HERC6: variants seen among roughly 807,000 people sequenced by gnomAD.
HERC6 encodes probable E3 ubiquitin-protein ligase HERC6.
In HERC6, 101 loss-of-function variants were observed where a neutral mutation model predicts 114.5. The observed-to-expected ratio is 0.88, with a 90% CI of 0.75 to 1.04. The LOEUF (loss-of-function observed/expected upper bound fraction) is 1.04. Ranked by LOEUF, HERC6 falls within the 50% of genes least tolerant of loss-of-function variation. HERC6 has a pLI of 0.00. For missense variants in HERC6, 1,133 were observed against 1,230.9 expected (o/e 0.92, Z 1.19); for synonymous variants, 408 against 436.2 (o/e 0.94, Z 0.81).
intron 13 of HERC6, among the ~76,000 whole-genome samples, 196 bp downstream of exon 13, chr4:88,417,775 G>A (rs1736633822): frequency 6.6e-6 from 1 of 152,110 alleles, no homozygotes; most frequent in Non-Finnish European, 1.5e-5. Context: ...GAGGACTTAA[G>A]ATGTTTTGTA....
chr4:88,432,785 T>G (rs1738365487), intron 17 of HERC6, among the ~76,000 whole-genome samples: 1 of 152,080 alleles, frequency 6.6e-6, no homozygotes, highest in East Asian at 1.9e-4. Context: ...GATTCATGTC[T>G]GTAATTATTA....
At chr4:88,408,676 G>C in intron 11 of HERC6, 59 bp downstream of exon 11, 2 of 1,160,148 alleles carry the variant, frequency 1.7e-6, no homozygotes, top group Non-Finnish European at 2.5e-6. Context: ...TATTTTTGTT[G>C]GAAGCTGGGT....
chr4:88,436,425 A>G lies in HERC6; in HGVS notation c.2418-480A>G, dbSNP rs957972299. Among the ~76,000 whole-genome samples the G allele has an allele frequency of 2.0e-5, 3 of 152,162 alleles. No individual in the cohort carries two copies. In the South Asian group the frequency reaches 6.2e-4, roughly 32 times the overall value. On this transcript the variant is annotated intron_variant, in intron 18 of 22. Coordinates refer to ENST00000264346, the MANE Select transcript of HERC6 (RefSeq NM_017912.4). Reference sequence around the variant, plus strand: ...GTTAGTGTGAGAATATATTGGCTAGATGTGTGCTGGAGCAGGGGTTCTCAG... The same window carrying G: ...GTTAGTGTGAGAATATATTGGCTAGGTGTGTGCTGGAGCAGGGGTTCTCAG...
intron 22 of HERC6, 131 bp from the exon 23 acceptor site, chr4:88,442,103 T>C: frequency 2.9e-6 from 2 of 680,806 alleles, no homozygotes; most frequent in East Asian, 2.7e-5. Flanking sequence ...ACATTCAACA[T>C]GGTCTAGGAC....
At chr4:88,435,972 G>A in intron 18 of HERC6, 81 bp downstream of exon 18, 2 of 1,004,570 alleles carry the variant, frequency 2.0e-6, no homozygotes, top group Non-Finnish European at 2.7e-6. Flanking sequence ...CACACAGAGA[G>A]ACAGATATGG....
chr4:88,380,145 T>C (rs1259805521), intron 1 of HERC6, among the ~76,000 whole-genome samples: 2 of 37,574 alleles, frequency 5.3e-5, no homozygotes, highest in Non-Finnish European at 8.9e-5. Context: ...ATATAATATA[T>C]AAATATATAT....
In HERC6 at chr4:88,402,702, C is replaced by A. The variant is rs1735607871; in HGVS notation, c.1093-2174C>A. On this transcript the variant is annotated intron_variant, in intron 8 of 22. Coordinates refer to ENST00000264346, the MANE Select transcript of HERC6 (RefSeq NM_017912.4). ...GCTTTCAATGAATGAAGGGGAGTGA[C>A]CAGGACAGTGGGAGAAGATTACAAA... Among the ~76,000 whole-genome samples, 2 of 152,026 alleles carry A rather than the reference C, an allele frequency of 1.3e-5. 1 individual carries two copies. Among genetic ancestry groups the A allele is most frequent in the South Asian group, 4.2e-4 (2 of 4,816 alleles).
At chr4:88,432,864 G>A (rs922316902) in intron 17 of HERC6, among the ~76,000 whole-genome samples, 36 of 151,814 alleles carry the variant, frequency 2.4e-4, no homozygotes, top group African/African-American at 7.7e-4. Context: ...TGAGGCAGGC[G>A]GATCACCAGG....
chr4:88,438,277 C>A (rs1738973735), intron 20 of HERC6, among the ~76,000 whole-genome samples: 1 of 151,874 alleles, frequency 6.6e-6, no homozygotes, highest in African/African-American at 2.4e-5. Context: ...ACTATTTATT[C>A]ATTTAGCAAA....
Position 88,379,026 on chromosome 4 carries a change from T to C in HERC6, c.105T>C (p.Ser35=), listed in dbSNP as rs375863444. Residue 35 remains serine (S), a synonymous_variant, in exon 1 of 23, where the codon TCT becomes TCC. Transcript: ENST00000264346. ...AGGCGGCCAGCGGGGAGCGCCACTC[T>C]CTGCTGCTGCTGACCAACCACAGGG... The part of the protein sequence containing the change: ...LLQAASGERH[S]LLLLTNHRVL... The C allele has an allele frequency of 1.3e-5, 21 of 1,567,180 alleles. No individual in the cohort carries two copies. The African/African-American group carries it at 2.6e-4, about 19-fold the overall frequency.
chr4:88,405,645 A>G (rs1735783009), intron 10 of HERC6, 32 bp downstream of exon 10: 1 of 1,120,316 alleles, frequency 8.9e-7, no homozygotes, highest in Non-Finnish European at 1.3e-6. Context: ...CCTTCATTTA[A>G]AACACTGGAA....
Position 88,390,575 on chromosome 4 carries a change from T to G in HERC6, c.437-77T>G. On this transcript the variant is annotated intron_variant, in intron 3 of 22. Transcript: ENST00000264346. Reference sequence around the variant, plus strand: ...CCCTCATTAAAGCCACAAAAAAGATTTGTAGAATTAGTAGTTTCTATTTGA... The same window carrying G: ...CCCTCATTAAAGCCACAAAAAAGATGTGTAGAATTAGTAGTTTCTATTTGA... 2.3e-6 allele frequency: 3 copies of G among 1,293,450 alleles called. No individual in the cohort carries two copies. In the South Asian group the frequency reaches 4.8e-5, roughly 21 times the overall value. 80.1% of individuals were successfully genotyped at this position (1,293,450 alleles called of 1,614,324 possible).
At chr4:88,440,520 T>G in intron 22 of HERC6, 2 of 357,484 alleles carry the variant, frequency 5.6e-6, no homozygotes, top group Non-Finnish European at 1.0e-5. Context: ...CAGGGTTTTT[T>G]ATAGATGAGC....
At position 88,378,898 on chromosome 4, in the gene HERC6, C is replaced by T. The variant is rs2110216342; in HGVS notation, c.-24C>T. 6.4e-7 allele frequency: 1 copy of T among 1,556,208 alleles called. No individual in the cohort carries two copies. Among genetic ancestry groups the T allele is most frequent in the South Asian group, 1.2e-5 (1 of 83,502 alleles). ...GCAGCGGGACCGACGGAATCCGGAG[C>T]AGGCGACAGGGCGCAGAAGCGGGAT... On this transcript the variant is annotated 5_prime_UTR_variant, in exon 1 of 23. Transcript: ENST00000264346.
intron 8 of HERC6, among the ~76,000 whole-genome samples, chr4:88,403,466 C>G (rs965726002): frequency 1.3e-5 from 2 of 152,026 alleles, no homozygotes; most frequent in Non-Finnish European, 2.9e-5. Context: ...TCTTAAGAAC[C>G]CAGATAGGCC....
At chr4:88,393,708 A>G in intron 5 of HERC6, 126 bp downstream of exon 5, 1 of 514,634 alleles carries the variant, frequency 1.9e-6, no homozygotes, top group Non-Finnish European at 3.6e-6. Context: ...AATACCATAA[A>G]AAGAGTGGCT....
intron 8 of HERC6, among the ~76,000 whole-genome samples, chr4:88,402,197 A>G (rs1412959077): frequency 6.6e-6 from 1 of 152,228 alleles, no homozygotes; most frequent in East Asian, 1.9e-4. Context: ...GTCAGAGAAG[A>G]GAACATTTCC....
chr4:88,424,476 C>A, intron 14 of HERC6, 119 bp from the exon 15 acceptor site: 2 of 770,540 alleles, frequency 2.6e-6, no homozygotes, highest in Non-Finnish European at 4.3e-6. Context: ...AAGACTCTGC[C>A]TTAAAAAAAC....
At chr4:88,431,357 T>C (rs1738184884) in intron 17 of HERC6, 52 bp downstream of exon 17, 2 of 1,543,828 alleles carry the variant, frequency 1.3e-6, no homozygotes, top group Admixed American at 2.1e-5. Flanking sequence ...GCACCCCATA[T>C]ACTGCAACAT....
Sources: allele counts gnomAD v4.1 joint callset (sites outside exome capture counted in the v4.1 genomes callset), GRCh38; gene constraint gnomAD v4.1.1; transcripts MANE v1.5; gene names NCBI Gene and HGNC (gene_info 2026-07-23, HGNC 2026-07-21).